The following HUNK variants were observed in gnomAD, a reference collection of about 807,000 sequenced individuals.
The protein encoded by HUNK is hormonally up-regulated neu tumor-associated kinase.
A neutral mutation model predicts 61.0 loss-of-function variants in HUNK; 21 were observed. The observed-to-expected ratio is 0.34, with a 90% CI of 0.24 to 0.50. HUNK has a LOEUF of 0.50. Ranked by LOEUF, HUNK falls within the 20% of genes least tolerant of loss-of-function variation. The pLI, the probability that HUNK is intolerant of heterozygous loss-of-function variation, is 0.98. For synonymous variants in HUNK, 371 were observed against 386.1 expected (o/e 0.96, Z 0.46); for missense variants, 772 against 945.7 (o/e 0.82, Z 2.41).
intron 1 of HUNK, among the ~76,000 whole-genome samples, chr21:31,883,493 T>C (rs990267389): frequency 6.6e-6 from 1 of 152,216 alleles, no homozygotes; most frequent in African/African-American, 2.4e-5. Context: ...TATTGATTTA[T>C]AGGAGCTCTT....
chr21:31,896,596 G>GAA (rs2052426743), intron 1 of HUNK, among the ~76,000 whole-genome samples: 1 of 152,136 alleles, frequency 6.6e-6, no homozygotes, highest in Non-Finnish European at 1.5e-5. Flanking sequence ...ACAAAAACAA[G>GAA]AAAATGTTGT....
intron 10 of HUNK, 55 bp downstream of exon 10, chr21:31,996,003 T>C: frequency 1.5e-6 from 2 of 1,338,502 alleles, no homozygotes; most frequent in Non-Finnish European, 2.1e-6. Flanking sequence ...GTGTGTCCGC[T>C]GTGTAGCCCT....
chr21:31,878,471 A>C (rs1050810003), intron 1 of HUNK, among the ~76,000 whole-genome samples: 3 of 151,986 alleles, frequency 2.0e-5, no homozygotes, highest in Non-Finnish European at 4.4e-5. Flanking sequence ...GCGGTGGCTC[A>C]TGCCTGTAAT....
intron 1 of HUNK, among the ~76,000 whole-genome samples, chr21:31,877,241 T>C (rs956006099): frequency 6.6e-6 from 1 of 152,176 alleles, no homozygotes; most frequent in Non-Finnish European, 1.5e-5. Context: ...TGTGTGTGTG[T>C]GTGTAGCGTG....
intron 4 of HUNK, among the ~76,000 whole-genome samples, chr21:31,949,643 C>T (rs1021470325): frequency 1.3e-5 from 2 of 152,086 alleles, no homozygotes; most frequent in Admixed American, 1.3e-4. Context: ...CCAAGAGGTC[C>T]CCTGTCTTAG....
At chr21:31,923,987 A>T (rs1034384681) in intron 1 of HUNK, among the ~76,000 whole-genome samples, 5 of 152,088 alleles carry the variant, frequency 3.3e-5, no homozygotes, top group Non-Finnish European at 7.4e-5. Flanking sequence ...GTGTCCCCCA[A>T]CCATGCCTTG....
chr21:31,905,873 A>G (rs1195121479), intron 1 of HUNK, among the ~76,000 whole-genome samples: 1 of 152,196 alleles, frequency 6.6e-6, no homozygotes, highest in Non-Finnish European at 1.5e-5. Context: ...TAGAGAAGCC[A>G]TCTGCAGAGG....
intron 1 of HUNK, among the ~76,000 whole-genome samples, chr21:31,874,557 C>T (rs570922310): frequency 6.6e-6 from 1 of 152,054 alleles, no homozygotes; most frequent in South Asian, 2.1e-4. Flanking sequence ...TCAACCTGTG[C>T]TCCTCTCTAT....
intron 1 of HUNK, among the ~76,000 whole-genome samples, chr21:31,892,673 A>G (rs1004934577): frequency 5.9e-5 from 9 of 151,794 alleles, no homozygotes; most frequent in African/African-American, 2.2e-4. Context: ...AAAAGTATGT[A>G]TTATTTATGG....
intron 4 of HUNK, among the ~76,000 whole-genome samples, chr21:31,948,171 GC>G (rs1480494781): frequency 6.6e-6 from 1 of 152,200 alleles, no homozygotes; most frequent in Non-Finnish European, 1.5e-5. Context: ...TCAAGATACA[GC>G]CCCAGCTCTC....
chr21:31,984,718 G>A lies in HUNK; in HGVS notation c.1257+1109G>A, dbSNP rs867653238. 7.2e-5 allele frequency among the ~76,000 whole-genome samples: 11 copies of A among 152,304 alleles called. 1 individual carries two copies. The highest frequency in any genetic ancestry group is 3.4e-3 in the Middle Eastern group (1 of 294). ...GCCCCTCATTCACTTTTTGCCAAGT[G>A]AGCTTTTCTTTCTCTCAGTGATTTT... On this transcript the variant is annotated intron_variant, in intron 8 of 10. Coordinates refer to ENST00000270112, the MANE Select transcript of HUNK (RefSeq NM_014586.2).
intron 1 of HUNK, among the ~76,000 whole-genome samples, chr21:31,896,280 A>T (rs889959865): frequency 6.6e-6 from 1 of 152,188 alleles, no homozygotes; most frequent in African/African-American, 2.4e-5. Context: ...TGAGTGTCCC[A>T]GAAGCTAAGG....
In HUNK at chr21:31,918,157, C is replaced by T. The variant is rs111863750; in HGVS notation, c.262-6311C>T. Among the ~76,000 whole-genome samples the T allele has an allele frequency of 1.5e-3, 225 of 152,160 alleles. 3 individuals are homozygous for T. Among genetic ancestry groups the T allele is most frequent in the African/African-American group, 5.0e-3 (207 of 41,510 alleles). ...CCATTTCAGTTGTTATAGATGAAGT[C>T]GATTAAATGGTTTTGTGTAATCAAG... is the stretch of plus-strand genomic sequence containing the variant. On this transcript the variant is annotated intron_variant, in intron 1 of 10. Transcript: ENST00000270112.
chr21:31,969,302 T>C (rs1308451878), intron 6 of HUNK, among the ~76,000 whole-genome samples: 1 of 152,126 alleles, frequency 6.6e-6, no homozygotes, highest in African/African-American at 2.4e-5. Context: ...TCTTCTGCCT[T>C]GTTCTTGATG....
intron 7 of HUNK, among the ~76,000 whole-genome samples, chr21:31,982,078 C>T (rs2053101443): frequency 6.6e-6 from 1 of 152,066 alleles, no homozygotes; most frequent in Non-Finnish European, 1.5e-5. Flanking sequence ...CTTTCTCTTG[C>T]CTAAGTGCTC....
chr21:31,946,830 G>T (rs543900534), intron 4 of HUNK, among the ~76,000 whole-genome samples: 1 of 152,310 alleles, frequency 6.6e-6, no homozygotes, highest in African/African-American at 2.4e-5. Context: ...GGCCAGGCTG[G>T]TCTCAAACTC....
rs776630841 is a variant in HUNK, at chr21:31,873,758, C to A, written c.84C>A (p.Pro28=). The stretch of plus-strand genomic sequence containing the variant: ...GCGGCGCGGAGGACGCGGCCAGGCC[C>A]GCGGCGGCCTGCGAGGGAAGTTTCC... ...GGGGAEDAAR[P]AAACEGSFLP... The change falls in exon 1 of 11, where the codon CCC becomes CCA. Residue 28 remains proline (P), a synonymous_variant. Coordinates refer to ENST00000270112, the MANE Select transcript of HUNK (RefSeq NM_014586.2). The surrounding 1 kb of genome is among the most constrained non-coding windows in gnomAD (Gnocchi z 6.1). 2.0e-6 allele frequency: 3 copies of A among 1,478,180 alleles called. No homozygotes were observed. Among genetic ancestry groups the A allele is most frequent in the Non-Finnish European group, 2.7e-6 (3 of 1,116,136 alleles). 91.6% of individuals were successfully genotyped at this position (1,478,180 alleles called of 1,614,324 possible).
At chr21:31,954,366 G>A (rs897141461) in intron 4 of HUNK, among the ~76,000 whole-genome samples, 1 of 152,204 alleles carries the variant, frequency 6.6e-6, no homozygotes, top group Non-Finnish European at 1.5e-5. Flanking sequence ...GTGTGTTGAC[G>A]TGAGTTATTT....
chr21:31,996,041 A>G (rs1466633832), intron 10 of HUNK, 93 bp downstream of exon 10: 9 of 944,418 alleles, frequency 9.5e-6, no homozygotes, highest in Non-Finnish European at 1.4e-5. Context: ...TGGGCCCTAG[A>G]GCAGAGATGA....
Sources: gnomAD v4.1 joint callset for allele counts (sites outside exome capture counted in the v4.1 genomes callset) on GRCh38, gnomAD v4.1.1 for gene constraint, Gnocchi (gnomAD v3.1) non-coding constraint, MANE v1.5 for transcripts, NCBI Gene and HGNC (gene_info 2026-07-23, HGNC 2026-07-21) for gene names.